Variants in CCDC186 observed in about 807,000 individuals in gnomAD.
CCDC186 encodes the protein coiled-coil domain containing 186.
A neutral mutation model predicts 113.7 loss-of-function variants in CCDC186; 49 were observed. The observed-to-expected ratio is 0.43, with a 90% confidence interval of 0.34 to 0.55. CCDC186 has a LOEUF of 0.55. CCDC186 is among the 20% of genes least tolerant of loss of function. The pLI is 0.02. For synonymous variants in CCDC186, 355 were observed against 345.8 expected, an observed-to-expected ratio of 1.03 and a Z score of -0.30; for missense variants, 890 against 1,011.1, an observed-to-expected ratio of 0.88 and a Z score of 1.62.
At chr10:114,128,727 C>A (rs1418178370) in intron 13 of CCDC186, among the ~76,000 whole-genome samples, 2 of 152,188 alleles carry the variant, frequency 1.3e-5, no homozygotes, top group Non-Finnish European at 2.9e-5. Context: ...TGCTAATTAT[C>A]ATTTTCACAA....
At chr10:114,164,110 ATATATTTTT>A (rs2032262942) in intron 1 of CCDC186, among the ~76,000 whole-genome samples, 5 of 103,332 alleles carry the variant, frequency 4.8e-5, no homozygotes, top group African/African-American at 1.5e-4. Context: ...GTGTATATAT[ATATATTTTT>A]TTTTTTTTTT....
intron 6 of CCDC186, among the ~76,000 whole-genome samples, chr10:114,142,502 G>A (rs988102951): frequency 1.3e-5 from 2 of 152,218 alleles, no homozygotes; most frequent in African/African-American, 4.8e-5. Flanking sequence ...ACAAGTAGAT[G>A]AGGTACACTG....
Position 114,125,903 on chromosome 10 carries a change from T to G in CCDC186, c.2596A>C (p.Lys866Gln). 6.2e-7 allele frequency: 1 copy of G among 1,613,802 alleles called. No homozygotes were observed. Residue 866 changes from lysine (K) to glutamine (Q), a missense_variant, in exon 15 of 16, where the codon AAA becomes CAA. Lys to Gln is a moderately conservative substitution (Grantham distance 53, BLOSUM62 1). Coordinates refer to ENST00000369287, the MANE Select transcript of CCDC186 (RefSeq NM_018017.4). ...LQAVLEDTLL[K>Q]NITLKENLQT... The stretch of plus-strand genomic sequence containing the variant: ...ACAAATACCTTCAAAGTAATATTTT[T>G]TAGTAACGTATCCTCCAAAACAGCC...
At chr10:114,156,175 A>T (rs1268585902) in intron 3 of CCDC186, among the ~76,000 whole-genome samples, 4 of 152,234 alleles carry the variant, frequency 2.6e-5, no homozygotes, top group Non-Finnish European at 5.9e-5. Flanking sequence ...AAAAATCAGG[A>T]TTAAATACAT....
In CCDC186 at chr10:114,151,164, T is replaced by C. The variant is rs1326665840; in HGVS notation, c.816A>G (p.Leu272=). 1.2e-6 allele frequency: 2 copies of C among 1,611,372 alleles called. No homozygotes were observed. The highest frequency in any genetic ancestry group is 1.7e-6 in the Non-Finnish European group (2 of 1,177,624). The change falls in exon 4 of 16, where the codon CTA becomes CTG. Residue 272 remains leucine, a synonymous_variant. Coordinates refer to ENST00000369287, the MANE Select transcript of CCDC186 (RefSeq NM_018017.4). ...TTTTAGCTGTAACGTCTTGAGCTATTAGTTGATCTCTGGAAGCTTTAACTT... is the reference window on the plus strand; with the variant it reads ...TTTTAGCTGTAACGTCTTGAGCTATCAGTTGATCTCTGGAAGCTTTAACTT... The part of the protein sequence containing the change: ...NKEVKASRDQ[L]IAQDVTAKNA...
At position 114,122,369 on chromosome 10, in the gene CCDC186, C is replaced by T. The variant is rs1052152504; in HGVS notation, c.*2774G>A. The T allele has an allele frequency of 6.6e-6, 1 of 152,108 alleles. No individual in the cohort carries two copies. The highest frequency in any genetic ancestry group is 1.5e-5 in the Non-Finnish European group (1 of 68,010). 9.4% of individuals were successfully genotyped at this position (152,108 alleles called of 1,614,324 possible). On this transcript the variant is annotated 3_prime_UTR_variant, in exon 16 of 16. Coordinates refer to ENST00000369287, the MANE Select transcript of CCDC186 (RefSeq NM_018017.4). ...TTCAAATTCATTCTTCTGCCCAAAC[C>T]TACCATTTTCAGTCCTTAAAACTAA... is the stretch of plus-strand genomic sequence containing the variant.
chr10:114,149,654 A>G (rs2031766229), intron 4 of CCDC186, among the ~76,000 whole-genome samples: 1 of 117,744 alleles, frequency 8.5e-6, no homozygotes, highest in Non-Finnish European at 1.8e-5. Flanking sequence ...AATGCGAAGG[A>G]AGGAAGGAAG....
rs2032226024 is a variant in CCDC186 at position 114,163,016 on chromosome 10, T to C, written c.253A>G (p.Thr85Ala). Residue 85 changes from threonine to alanine, a missense_variant, in exon 2 of 16, where the codon ACA (threonine) becomes GCA (alanine). Transcript: ENST00000369287. ...GGEDSCAKTD[T>A]GSENSEQIAN... is the part of the protein sequence containing the mutation. ...ATTTGTTCAGAATTTTCTGAGCCTG[T>C]GTCTGTTTTGGCACAAGAATCCTCA... 3.1e-6 allele frequency: 5 copies of C among 1,614,006 alleles called. No homozygotes were observed. The highest frequency in any genetic ancestry group is 2.2e-5 in the South Asian group (2 of 91,068).
intron 6 of CCDC186, among the ~76,000 whole-genome samples, chr10:114,139,917 T>A (rs1169243682): frequency 6.6e-6 from 1 of 152,166 alleles, no homozygotes; most frequent in East Asian, 1.9e-4. Context: ...GAGATTCCCA[T>A]ATGCCAAATA....
At chr10:114,172,060 A>G (rs74862562) in intron 1 of CCDC186, among the ~76,000 whole-genome samples, 398 of 152,330 alleles carry the variant, frequency 2.6e-3, no homozygotes, top group African/African-American at 9.0e-3. Flanking sequence ...ACTCAGTGAT[A>G]TGTTTATGAG....
intron 3 of CCDC186, among the ~76,000 whole-genome samples, chr10:114,157,178 A>ATTTTTTTT (rs34377537): frequency 5.0e-5 from 6 of 121,186 alleles, no homozygotes; most frequent in Non-Finnish European, 6.9e-5. Flanking sequence ...AGTTTTCAGA[A>ATTTTTTTT]TTTTTTTTTT....
chr10:114,158,745 A>T (rs2032082303), intron 2 of CCDC186, among the ~76,000 whole-genome samples: 1 of 152,132 alleles, frequency 6.6e-6, no homozygotes, highest in South Asian at 2.1e-4. Flanking sequence ...ACTGAAGCCT[A>T]AGACTTGTTC....
rs147683242 is a variant in CCDC186, at chr10:114,164,272, C to G, written c.-61-943G>C. On this transcript the variant is annotated intron_variant, in intron 1 of 15. Transcript: ENST00000369287. ...AGTAGCTGAGACTACAGGTGCCCAT[C>G]ACTACACCTGGCTAATTTTTTGTAT... Among the ~76,000 whole-genome samples, 265 of 151,348 alleles carry G rather than the reference C, an allele frequency of 1.8e-3. 2 individuals carry two copies. The highest frequency in any genetic ancestry group is 6.0e-3 in the African/African-American group (247 of 41,246).
chr10:114,145,930 T>G (rs1364503878), intron 4 of CCDC186, among the ~76,000 whole-genome samples, 169 bp from the exon 5 acceptor site: 1 of 152,188 alleles, frequency 6.6e-6, no homozygotes, highest in Non-Finnish European at 1.5e-5. Context: ...AATTTAAAAT[T>G]ATAGAAAAAT....
intron 6 of CCDC186, among the ~76,000 whole-genome samples, chr10:114,137,579 T>C (rs2031305276): frequency 6.6e-6 from 1 of 152,146 alleles, no homozygotes; most frequent in Non-Finnish European, 1.5e-5. Context: ...CAAAGACAAT[T>C]CTTTGGTTTA....
intron 2 of CCDC186, among the ~76,000 whole-genome samples, chr10:114,161,077 C>T (rs2032155769): frequency 6.6e-6 from 1 of 152,182 alleles, no homozygotes; most frequent in South Asian, 2.1e-4. Context: ...TCCACTCACC[C>T]GTGCTGTCAC....
intron 4 of CCDC186, among the ~76,000 whole-genome samples, 162 bp downstream of exon 4, chr10:114,150,930 T>C (rs1412015813): frequency 9.8e-5 from 15 of 152,290 alleles, no homozygotes; most frequent in Non-Finnish European, 1.2e-4. Context: ...GGATTACAGA[T>C]GTGAGTCACC....
intron 4 of CCDC186, among the ~76,000 whole-genome samples, chr10:114,149,452 A>T (rs1247320479): frequency 6.6e-6 from 1 of 151,854 alleles, no homozygotes; most frequent in Non-Finnish European, 1.5e-5. Context: ...ACTTTTTCAA[A>T]TGTTTGAACT....
chr10:114,148,404 G>T (rs542641149), intron 4 of CCDC186, among the ~76,000 whole-genome samples: 1 of 152,296 alleles, frequency 6.6e-6, no homozygotes, highest in South Asian at 2.1e-4. Flanking sequence ...AAGGAAGACA[G>T]GCCAATTAAG....
Sources: allele counts gnomAD v4.1 joint callset (sites outside exome capture counted in the v4.1 genomes callset), GRCh38; gene constraint gnomAD v4.1.1; transcripts MANE v1.5; gene names NCBI Gene and HGNC (gene_info 2026-07-23, HGNC 2026-07-21).